The following LRIG1 variants were observed in gnomAD, a reference collection of about 807,000 sequenced individuals.
The protein encoded by LRIG1 is leucine-rich repeats and immunoglobulin-like domains protein 1.
Under a neutral mutation model 99.2 loss-of-function variants are expected in LRIG1, and 48 were observed. The ratio of observed to expected loss-of-function variants is 0.48; its 90% CI spans 0.38 to 0.62. The LOEUF (loss-of-function observed/expected upper bound fraction) is 0.62. Ranked by LOEUF, LRIG1 falls within the 20% of genes least tolerant of loss-of-function variation. The probability of loss-of-function intolerance (pLI) is 0.00; values close to 1 mark genes in which losing one functional copy is unlikely to be tolerated. For missense variants in LRIG1, 1,646 were observed against 1,434.4 expected (o/e 1.15, Z -2.38); for synonymous variants, 772 against 596.1 (o/e 1.29, Z -4.30).
At chr3:66,472,303 C>CAAAAAAAAAAAA (rs71105995) in intron 1 of LRIG1, among the ~76,000 whole-genome samples, 2 of 63,868 alleles carry the variant, frequency 3.1e-5, no homozygotes, top group Admixed American at 2.6e-4. Flanking sequence ...GACTCTGTCT[C>CAAAAAAAAAAAA]AAAAAAAAAA....
At chr3:66,404,608 G>A (rs555452878) in intron 9 of LRIG1, among the ~76,000 whole-genome samples, 114 of 152,110 alleles carry the variant, frequency 7.5e-4, no homozygotes, top group Non-Finnish European at 1.5e-3. Flanking sequence ...TAATAAAGAG[G>A]TTGCCTAACA....
chr3:66,479,701 T>C (rs562424904), intron 1 of LRIG1, among the ~76,000 whole-genome samples: 19 of 152,366 alleles, frequency 1.2e-4, no homozygotes, highest in African/African-American at 4.6e-4. Flanking sequence ...ATGCTCAGTG[T>C]CATTAGTCAT....
At chr3:66,423,463 C>T (rs537091455) in intron 3 of LRIG1, among the ~76,000 whole-genome samples, 15 of 152,050 alleles carry the variant, frequency 9.9e-5, no homozygotes, top group Admixed American at 2.0e-4. Context: ...CCCAGCTACT[C>T]GGGAGGCTGA....
intron 1 of LRIG1, among the ~76,000 whole-genome samples, chr3:66,494,359 C>T (rs1391311362): frequency 6.6e-6 from 1 of 152,160 alleles, no homozygotes; most frequent in African/African-American, 2.4e-5. Context: ...GGTGTGACCA[C>T]CAGCGGCAAG....
At position 66,380,388 on chromosome 3, in the gene LRIG1, G is replaced by A; in HGVS notation, c.3157C>T (p.Gln1053Ter). ...TGGCCATTGGAAACAAGCAAGTACT[G>A]GGCTTCCGCGCGCTCTGGACTGCCT... The part of the protein sequence containing the change: ...TSGSPERAEA[Q>*]YLLVSNGHLP... Residue 1053 changes from glutamine (Q) to a stop codon, truncating the protein, a stop_gained, in exon 19 of 19, where the codon CAG (glutamine) becomes TAG (stop). Transcript: ENST00000273261. LOFTEE classifies it high-confidence loss of function. 3.1e-6 allele frequency: 5 copies of A among 1,614,102 alleles called. No homozygotes were observed. The highest frequency in any genetic ancestry group is 4.2e-6 in the Non-Finnish European group (5 of 1,179,984).
chr3:66,421,716 G>A lies in LRIG1; in HGVS notation c.366-4450C>T, dbSNP rs148511230. ...TCTCACAGCTTCCCTAGGCAGTGCCGCAGTAGGGACTCTGTGTGGGGGATC... is the reference window on the plus strand; with the variant it reads ...TCTCACAGCTTCCCTAGGCAGTGCCACAGTAGGGACTCTGTGTGGGGGATC... On this transcript the variant is annotated intron_variant, in intron 3 of 18. Transcript: ENST00000273261. Among the ~76,000 whole-genome samples the A allele has an allele frequency of 2.3e-3, 348 of 152,284 alleles. 1 individual carries two copies. The highest frequency in any genetic ancestry group is 7.7e-3 in the African/African-American group (321 of 41,548).
rs533974488 is a variant in LRIG1 at position 66,417,159 on chromosome 3, C to G, written c.473G>C (p.Cys158Ser). The change falls in exon 4 of 19, where the codon TGC becomes TCC. Residue 158 changes from cysteine (C) to serine (S), a missense_variant. Transcript: ENST00000273261. Reference protein sequence around the residue: ...LNNITEVRNTCFPHGPPIKEL... With the variant: ...LNNITEVRNTSFPHGPPIKEL... ...CTTTATAGGCGGTCCGTGTGGAAAG[C>G]AGGTGTTCCGCACTTCCGTGATGTT... is the stretch of plus-strand genomic sequence containing the variant. The G allele has an allele frequency of 1.2e-6, 2 of 1,614,198 alleles. No homozygotes were observed.
chr3:66,408,598 G>C (rs185827927), intron 7 of LRIG1, among the ~76,000 whole-genome samples: 50 of 152,326 alleles, frequency 3.3e-4, no homozygotes, highest in African/African-American at 1.2e-3. Context: ...ACACTGGTGA[G>C]TCAGAGGATG....
chr3:66,399,651 G>A (rs1286870670), intron 9 of LRIG1, among the ~76,000 whole-genome samples: 3 of 152,096 alleles, frequency 2.0e-5, no homozygotes, highest in Admixed American at 6.6e-5. Context: ...ACCAGTAGTC[G>A]TAGCTACTTA....
At chr3:66,406,955 T>C (rs1386515313) in intron 8 of LRIG1, among the ~76,000 whole-genome samples, 2 of 152,158 alleles carry the variant, frequency 1.3e-5, no homozygotes. Flanking sequence ...GACTTGGAAG[T>C]TGCAGCTGAA....
rs1701327312 is a variant in LRIG1, at chr3:66,500,284, C to G, written c.124G>C (p.Ala42Pro). 1.4e-6 allele frequency: 2 copies of G among 1,480,748 alleles called. No homozygotes were observed. The highest frequency in any genetic ancestry group is 1.8e-6 in the Non-Finnish European group (2 of 1,121,900). 91.7% of individuals were successfully genotyped at this position (1,480,748 alleles called of 1,614,324 possible). The change falls in exon 1 of 19, where the codon GCG becomes CCG. Residue 42 changes from alanine to proline, a missense_variant. Transcript: ENST00000273261. Reference protein sequence around the residue: ...TAAAGPRAPCAAACTCAGDSL... With the variant: ...TAAAGPRAPCPAACTCAGDSL... ...TCCCCAGCGCAAGTGCAGGCGGCCG[C>G]GCAGGGCGCCCGCGGGCCGGCCGCG...
At chr3:66,497,952 CA>C (rs1388071456) in intron 1 of LRIG1, among the ~76,000 whole-genome samples, 1 of 152,112 alleles carries the variant, frequency 6.6e-6, no homozygotes, top group Non-Finnish European at 1.5e-5. Context: ...GCCAGGAATA[CA>C]AACCATATAA....
intron 15 of LRIG1, 107 bp downstream of exon 15, chr3:66,382,875 C>T: frequency 9.7e-7 from 1 of 1,027,720 alleles, no homozygotes; most frequent in Non-Finnish European, 1.4e-6. Context: ...CTCAGGAGTT[C>T]TGAACACAGT....
intron 3 of LRIG1, among the ~76,000 whole-genome samples, chr3:66,431,516 C>T (rs566539048): frequency 1.2e-4 from 18 of 152,244 alleles, no homozygotes; most frequent in African/African-American, 4.1e-4. Flanking sequence ...TGGGAAGTCC[C>T]GAGCCCAGGG....
intron 6 of LRIG1, 124 bp from the exon 7 acceptor site, chr3:66,410,396 A>G: frequency 1.2e-6 from 1 of 854,510 alleles, no homozygotes; most frequent in Non-Finnish European, 1.8e-6. Flanking sequence ...AGTGCACGAC[A>G]GAACTGTGGA....
At chr3:66,482,216 G>C (rs1700867691) in intron 1 of LRIG1, among the ~76,000 whole-genome samples, 1 of 152,218 alleles carries the variant, frequency 6.6e-6, no homozygotes, top group Non-Finnish European at 1.5e-5. Flanking sequence ...AGATGTCCTG[G>C]TTCAGAGTCA....
At chr3:66,409,859 G>T (rs1702407452) in intron 7 of LRIG1, 1 of 350,904 alleles carries the variant, frequency 2.8e-6, no homozygotes, top group Non-Finnish European at 5.2e-6. Flanking sequence ...CAGGACCTTG[G>T]GGGCCAAGGC....
intron 2 of LRIG1, among the ~76,000 whole-genome samples, chr3:66,461,828 G>A (rs1298437607): frequency 6.6e-6 from 1 of 152,174 alleles, no homozygotes. Flanking sequence ...ACACTGCAAG[G>A]GACAGCAAGC....
chr3:66,500,263 C>A lies in LRIG1; in HGVS notation c.145G>T (p.Gly49Trp). 1 of 1,503,628 alleles carries A rather than the reference C, an allele frequency of 6.7e-7. No individual in the cohort carries two copies. The allele number at this position is 1,503,628 out of a possible 1,614,324, so 93.1% of individuals were successfully genotyped here. Residue 49 changes from glycine to tryptophan, a missense_variant, in exon 1 of 19, where the codon GGG becomes TGG. Transcript: ENST00000273261. ...CGCCCACCGCAGTCCAGCGAGTCCC[C>A]AGCGCAAGTGCAGGCGGCCGCGCAG... ...APCAAACTCA[G>W]DSLDCGGRGL... is the part of the protein sequence containing the mutation.
Sources: allele counts gnomAD v4.1 joint callset (sites outside exome capture counted in the v4.1 genomes callset), GRCh38; gene constraint gnomAD v4.1.1; transcripts MANE v1.5; gene names NCBI Gene and HGNC (gene_info 2026-07-23, HGNC 2026-07-21).